The following KCMF1 variants were observed in gnomAD, a reference collection of about 807,000 sequenced individuals.
The protein encoded by KCMF1 is E3 ubiquitin-protein ligase KCMF1.
Under a neutral mutation model 41.1 loss-of-function variants are expected in KCMF1, and 3 were observed. The ratio of observed to expected loss-of-function variants is 0.07; its 90% CI spans 0.03 to 0.19. The LOEUF (loss-of-function observed/expected upper bound fraction) is 0.19. KCMF1 is among the 10% of genes least tolerant of loss of function. The pLI is 1.00. For missense variants in KCMF1, 286 were observed against 488.9 expected (o/e 0.58, Z 3.91); for synonymous variants, 142 against 164.5 (o/e 0.86, Z 1.04).
At chr2:85,047,802 GT>G (rs1241553617) in intron 5 of KCMF1, among the ~76,000 whole-genome samples, 1 of 152,154 alleles carries the variant, frequency 6.6e-6, no homozygotes, top group Non-Finnish European at 1.5e-5. Flanking sequence ...ATTCTGAAAT[GT>G]GTCCATGTGG....
intron 1 of KCMF1, among the ~76,000 whole-genome samples, chr2:84,982,697 CCTT>C (rs1353854602): frequency 6.6e-6 from 1 of 151,992 alleles, no homozygotes; most frequent in East Asian, 1.9e-4. Context: ...CATGCCCGGC[CCTT>C]CTTTTCTATG....
At chr2:84,998,206 CT>C (rs1289575604) in intron 1 of KCMF1, among the ~76,000 whole-genome samples, 1 of 152,020 alleles carries the variant, frequency 6.6e-6, no homozygotes, top group African/African-American at 2.4e-5. Flanking sequence ...CTTCTCCTGC[CT>C]CAGCCTCCCG....
chr2:84,986,476 C>T (rs959588588), intron 1 of KCMF1, among the ~76,000 whole-genome samples: 1 of 152,040 alleles, frequency 6.6e-6, no homozygotes, highest in South Asian at 2.1e-4. Context: ...AAGTGCAGAA[C>T]TAAGAAAACA....
At chr2:85,022,101 G>A (rs1674960284) in intron 1 of KCMF1, among the ~76,000 whole-genome samples, 1 of 152,084 alleles carries the variant, frequency 6.6e-6, no homozygotes, top group Non-Finnish European at 1.5e-5. Context: ...ACAGGTGTGA[G>A]CCACCACGCC....
At chr2:85,008,255 T>TCATATATAATATATAATATGATA (rs1491266401) in intron 1 of KCMF1, among the ~76,000 whole-genome samples, 1 of 64,022 alleles carries the variant, frequency 1.6e-5, no homozygotes, top group Non-Finnish European at 2.9e-5. Context: ...ATGATATATA[T>TCATATATAATATATAATATGATA]TATATATCAT....
At chr2:84,987,257 T>C (rs1336690841) in intron 1 of KCMF1, among the ~76,000 whole-genome samples, 1 of 152,208 alleles carries the variant, frequency 6.6e-6, no homozygotes, top group East Asian at 1.9e-4. Flanking sequence ...ATTAAAAGTT[T>C]TAAGCAGAGA....
At chr2:84,980,143 T>C (rs886217168) in intron 1 of KCMF1, among the ~76,000 whole-genome samples, 2 of 152,156 alleles carry the variant, frequency 1.3e-5, no homozygotes, top group Non-Finnish European at 2.9e-5. Flanking sequence ...GTTATTTTTA[T>C]ATGTTAGCCA....
rs1245512291 is a variant in KCMF1 at position 85,054,115 on chromosome 2, G to C, written c.*706G>C. ...CATCTGTAGAAGACACACCAGTAAAGCTACTGTTGGAATCTGCTGCAGGGG... is the reference window on the plus strand; with the variant it reads ...CATCTGTAGAAGACACACCAGTAAACCTACTGTTGGAATCTGCTGCAGGGG... On this transcript the variant is annotated 3_prime_UTR_variant, in exon 7 of 7. Coordinates refer to ENST00000409785, the MANE Select transcript of KCMF1 (RefSeq NM_020122.5). 6.6e-6 allele frequency: 1 copy of C among 152,174 alleles called. No homozygotes were observed. The allele number at this position is 152,174 out of a possible 1,614,324, so 9.4% of individuals were successfully genotyped here. A position where few individuals can be genotyped will look rare whatever the true frequency, so the allele number is the denominator to read the frequency against.
intron 4 of KCMF1, among the ~76,000 whole-genome samples, chr2:85,043,966 T>C (rs1675603887): frequency 6.6e-6 from 1 of 152,208 alleles, no homozygotes; most frequent in African/African-American, 2.4e-5. Flanking sequence ...TGAGATGCAA[T>C]TTATTTCTCT....
intron 1 of KCMF1, among the ~76,000 whole-genome samples, chr2:84,989,426 C>G (rs1175477029): frequency 6.6e-6 from 1 of 152,058 alleles, no homozygotes; most frequent in African/African-American, 2.4e-5. Context: ...AGGAGATGAG[C>G]TTTGTCAAGA....
At chr2:84,987,234 G>A (rs1443377412) in intron 1 of KCMF1, among the ~76,000 whole-genome samples, 2 of 152,226 alleles carry the variant, frequency 1.3e-5, no homozygotes, top group East Asian at 3.8e-4. Flanking sequence ...TGGGACAGAG[G>A]AAGGAGTAGT....
intron 3 of KCMF1, among the ~76,000 whole-genome samples, chr2:85,037,143 T>C (rs1675423371): frequency 1.3e-5 from 2 of 152,174 alleles, no homozygotes; most frequent in Admixed American, 6.5e-5. Flanking sequence ...TTCATTAAGT[T>C]TCCAGGCTTT....
rs1053250696 is a variant in KCMF1, at chr2:85,026,311, T to A, written c.17-1578T>A. Among the ~76,000 whole-genome samples, 21 of 151,162 alleles carry A rather than the reference T, an allele frequency of 1.4e-4. No individual in the cohort carries two copies. The East Asian group carries it at 3.1e-3, about 22-fold the overall frequency. On this transcript the variant is annotated intron_variant, in intron 1 of 6. Coordinates refer to ENST00000409785, the MANE Select transcript of KCMF1 (RefSeq NM_020122.5). ...TGGCATATTTTAACTTTTTTTTTTT[T>A]AAACAAATACAAATGAGATCTCTCT...
intron 1 of KCMF1, among the ~76,000 whole-genome samples, chr2:84,984,980 C>T (rs1673864798): frequency 1.3e-5 from 2 of 151,944 alleles, no homozygotes; most frequent in African/African-American, 2.4e-5. Flanking sequence ...CCACCATGGC[C>T]GGCCAGAGTA....
chr2:85,014,933 C>T (rs560840116), intron 1 of KCMF1, among the ~76,000 whole-genome samples: 2 of 151,944 alleles, frequency 1.3e-5, no homozygotes, highest in South Asian at 2.1e-4. Flanking sequence ...ATTGTTGCCA[C>T]CTGGTGGCTT....
chr2:84,996,430 A>ATTTTTTTTT lies in KCMF1; in HGVS notation c.16+24977_16+24985dup, dbSNP rs869089697. Among the ~76,000 whole-genome samples the ATTTTTTTTT allele has an allele frequency of 1.5e-3, 182 of 124,044 alleles. 1 individual carries two copies. Among genetic ancestry groups the ATTTTTTTTT allele is most frequent in the African/African-American group, 5.7e-3 (174 of 30,270 alleles). The allele number at this position is 124,044 out of a possible 152,430, so 81.4% of individuals were successfully genotyped here. ...ATACTTTATACCTAAATAACCTAAGATTTTTTTTTTTTTTTTTTTTTTGAG... is the reference window on the plus strand; with the variant it reads ...ATACTTTATACCTAAATAACCTAAGATTTTTTTTTTTTTTTTTTTTTTTTTTTTTTTGAG... On this transcript the variant is annotated intron_variant, in intron 1 of 6. Transcript: ENST00000409785.
At chr2:84,988,681 A>G (rs1036037924) in intron 1 of KCMF1, among the ~76,000 whole-genome samples, 4 of 152,176 alleles carry the variant, frequency 2.6e-5, no homozygotes, top group Non-Finnish European at 2.9e-5. Flanking sequence ...AGTTTCAGAG[A>G]GGTTAGGTTA....
chr2:85,037,651 C>T (rs961443131), intron 3 of KCMF1, among the ~76,000 whole-genome samples: 1 of 152,202 alleles, frequency 6.6e-6, no homozygotes, highest in Admixed American at 6.5e-5. Context: ...GGGATTATAT[C>T]TACACAGCAA....
intron 1 of KCMF1, among the ~76,000 whole-genome samples, chr2:84,978,865 G>A (rs566407544): frequency 4.6e-5 from 7 of 152,154 alleles, no homozygotes; most frequent in African/African-American, 1.4e-4. Flanking sequence ...ACAGGCATGC[G>A]CCACCATGTC....
Sources: allele counts gnomAD v4.1 joint callset (sites outside exome capture counted in the v4.1 genomes callset), GRCh38; gene constraint gnomAD v4.1.1; transcripts MANE v1.5; gene names NCBI Gene and HGNC (gene_info 2026-07-23, HGNC 2026-07-21).